Variants in XPR1 observed in about 807,000 individuals in gnomAD.
The protein encoded by XPR1 is xenotropic and polytropic retrovirus receptor 1.
In XPR1, 28 loss-of-function variants were observed where a neutral mutation model predicts 87.5. The observed-to-expected ratio is 0.32, with a 90% CI of 0.24 to 0.44. The LOEUF is 0.44. XPR1 is among the 20% of genes least tolerant of loss of function. XPR1 has a pLI of 1.00. For synonymous variants in XPR1, 300 were observed against 306.1 expected, an observed-to-expected ratio of 0.98 and a Z score of 0.21; for missense variants, 559 against 862.3, an observed-to-expected ratio of 0.65 and a Z score of 4.41.
chr1:180,694,185 C>A (rs560506939), intron 2 of XPR1, among the ~76,000 whole-genome samples: 2 of 152,170 alleles, frequency 1.3e-5, no homozygotes, highest in Non-Finnish European at 2.9e-5. Flanking sequence ...ATCTTGAACT[C>A]CTGGGGTCAA....
At chr1:180,874,684 C>G (rs947644579) in intron 13 of XPR1, among the ~76,000 whole-genome samples, 1 of 151,704 alleles carries the variant, frequency 6.6e-6, no homozygotes, top group Admixed American at 6.6e-5. Flanking sequence ...GAGCAAAACT[C>G]CGTCTCAAAA....
At chr1:180,753,669 T>C (rs1024396078) in intron 2 of XPR1, among the ~76,000 whole-genome samples, 1 of 152,152 alleles carries the variant, frequency 6.6e-6, no homozygotes, top group African/African-American at 2.4e-5. Flanking sequence ...TTTATAATAC[T>C]CATTTCAGTT....
chr1:180,646,211 A>T (rs886274810), intron 1 of XPR1, among the ~76,000 whole-genome samples: 1 of 152,180 alleles, frequency 6.6e-6, no homozygotes, highest in Non-Finnish European at 1.5e-5. Context: ...CCACCTTTTG[A>T]ACTGCAGCCT....
At chr1:180,795,050 C>T (rs556753100) in intron 3 of XPR1, among the ~76,000 whole-genome samples, 2 of 152,262 alleles carry the variant, frequency 1.3e-5, no homozygotes, top group East Asian at 1.9e-4. Context: ...TCAACATTCT[C>T]ATAAACTTAC....
At chr1:180,744,529 T>G (rs1430717355) in intron 2 of XPR1, among the ~76,000 whole-genome samples, 3 of 152,138 alleles carry the variant, frequency 2.0e-5, no homozygotes, top group African/African-American at 7.2e-5. Flanking sequence ...CCAGGTTATT[T>G]GTATGCCAGG....
intron 2 of XPR1, among the ~76,000 whole-genome samples, chr1:180,743,859 A>G (rs1164801491): frequency 6.6e-6 from 1 of 152,182 alleles, no homozygotes; most frequent in Non-Finnish European, 1.5e-5. Context: ...AGTTGTTAAA[A>G]TAAGCAATGA....
chr1:180,790,541 T>C (rs1649331835), intron 3 of XPR1, among the ~76,000 whole-genome samples: 2 of 152,078 alleles, frequency 1.3e-5, no homozygotes, highest in African/African-American at 4.8e-5. Context: ...AGACAAAATA[T>C]ACATTTTCTT....
At chr1:180,678,557 T>A (rs1656440765) in intron 1 of XPR1, among the ~76,000 whole-genome samples, 2 of 152,258 alleles carry the variant, frequency 1.3e-5, no homozygotes, top group South Asian at 4.1e-4. Flanking sequence ...TATTACTGAA[T>A]GTTTTTGGAT....
At chr1:180,752,674 A>G (rs1647580954) in intron 2 of XPR1, among the ~76,000 whole-genome samples, 1 of 152,090 alleles carries the variant, frequency 6.6e-6, no homozygotes, top group South Asian at 2.1e-4. Context: ...TCATGTTTTG[A>G]TTTAATAGAT....
At chr1:180,839,314 G>A (rs1651423179) in intron 11 of XPR1, among the ~76,000 whole-genome samples, 1 of 152,140 alleles carries the variant, frequency 6.6e-6, no homozygotes, top group African/African-American at 2.4e-5. Context: ...ACCAGCCATT[G>A]GAGTCATTAA....
intron 2 of XPR1, among the ~76,000 whole-genome samples, chr1:180,705,615 A>G (rs564696877): frequency 6.6e-6 from 1 of 152,326 alleles, no homozygotes; most frequent in African/African-American, 2.4e-5. Flanking sequence ...AAATAAGATA[A>G]TTTACATTGT....
chr1:180,656,946 A>G (rs1049265712), intron 1 of XPR1, among the ~76,000 whole-genome samples: 17 of 151,826 alleles, frequency 1.1e-4, no homozygotes, highest in Non-Finnish European at 1.9e-4. Flanking sequence ...ACTAATTTAC[A>G]TTCCCACCAA....
At chr1:180,839,284 G>T (rs1310915188) in intron 11 of XPR1, among the ~76,000 whole-genome samples, 2 of 152,126 alleles carry the variant, frequency 1.3e-5, no homozygotes, top group Non-Finnish European at 2.9e-5. Flanking sequence ...AACATGAACT[G>T]AATGAAAAAG....
At chr1:180,832,615 A>G (rs909136854) in intron 9 of XPR1, among the ~76,000 whole-genome samples, 1 of 152,182 alleles carries the variant, frequency 6.6e-6, no homozygotes, top group Non-Finnish European at 1.5e-5. Context: ...TAGGCTACCC[A>G]GTTTTTCCAA....
chr1:180,730,177 T>C (rs1658503977), intron 2 of XPR1, among the ~76,000 whole-genome samples: 1 of 152,218 alleles, frequency 6.6e-6, no homozygotes, highest in South Asian at 2.1e-4. Context: ...TTTGTCAACT[T>C]TGTCAAAGAT....
intron 11 of XPR1, among the ~76,000 whole-genome samples, chr1:180,863,030 G>A (rs1652271079): frequency 1.3e-5 from 2 of 152,064 alleles, no homozygotes; most frequent in South Asian, 2.1e-4. Flanking sequence ...AGTATTTTCA[G>A]CATAAAGCCA....
rs548957106 is a variant in XPR1 at position 180,660,644 on chromosome 1, T to TTG, written c.70-21714_70-21713dup. 2.0e-5 allele frequency among the ~76,000 whole-genome samples: 3 copies of TTG among 152,320 alleles called. No individual in the cohort carries two copies. In the South Asian group the frequency reaches 6.2e-4, roughly 32 times the overall value. ...AGCATATTGTTTCATTTTCATGTGT[T>TTG]TGTATAGTCTCTAAAATTTCTCTTG... is the stretch of plus-strand genomic sequence containing the variant. On this transcript the variant is annotated intron_variant, in intron 1 of 14. Coordinates refer to ENST00000367590, the MANE Select transcript of XPR1 (RefSeq NM_004736.4).
intron 2 of XPR1, chr1:180,758,916 C>T (rs1371497110): frequency 6.6e-6 from 1 of 152,360 alleles, no homozygotes; most frequent in East Asian, 1.9e-4. Context: ...AACAAACTGT[C>T]TCTCAGACCA....
intron 2 of XPR1, among the ~76,000 whole-genome samples, chr1:180,753,340 G>A (rs890437952): frequency 2.0e-5 from 3 of 152,010 alleles, no homozygotes; most frequent in Admixed American, 6.6e-5. Context: ...CAGGGCTGGC[G>A]AATCGCTTGA....
Sources: gnomAD v4.1 joint callset for allele counts (sites outside exome capture counted in the v4.1 genomes callset) on GRCh38, gnomAD v4.1.1 for gene constraint, MANE v1.5 for transcripts, NCBI Gene and HGNC (gene_info 2026-07-23, HGNC 2026-07-21) for gene names.